The following ZNF721 variants were observed in gnomAD, a reference collection of about 807,000 sequenced individuals.
ZNF721 encodes the protein zinc finger protein 721.
In ZNF721, 2 loss-of-function variants were observed where a neutral mutation model predicts 2.4. The observed-to-expected ratio is 0.82, with a 90% confidence interval of 0.34 to 2.58. The LOEUF is 2.58. Among genes scored for constraint, ZNF721 ranks in the 30% most tolerant of loss-of-function variants. The pLI is 0.11. For synonymous variants in ZNF721, 398 were observed against 381.8 expected (o/e 1.04, Z -0.50); for missense variants, 1,187 against 1,085.5 (o/e 1.09, Z -1.31).
At chr4:452,940 G>A (rs1004203882) in intron 2 of ZNF721, among the ~76,000 whole-genome samples, 1 of 152,212 alleles carries the variant, frequency 6.6e-6, no homozygotes, top group African/African-American at 2.4e-5. Context: ...CAGGACCAAA[G>A]GGGATACTGC....
At chr4:474,126 G>C (rs978278029) in intron 1 of ZNF721, 22 of 1,055,428 alleles carry the variant, frequency 2.1e-5, no homozygotes, top group South Asian at 1.7e-4. Context: ...CCCTAACCGA[G>C]CTCAGGCTGA....
chr4:465,353 C>A (rs1374838872), intron 2 of ZNF721, among the ~76,000 whole-genome samples: 1 of 151,978 alleles, frequency 6.6e-6, no homozygotes. Flanking sequence ...CACCACTGCA[C>A]TACAGCCTGG....
At chr4:470,320 T>C (rs1553867429) in intron 2 of ZNF721, among the ~76,000 whole-genome samples, 2 of 152,202 alleles carry the variant, frequency 1.3e-5, no homozygotes, top group Non-Finnish European at 2.9e-5. Context: ...TTTTTTGATA[T>C]GCCATCAAAA....
At chr4:479,207 C>T (rs976924038) in intron 1 of ZNF721, among the ~76,000 whole-genome samples, 2 of 152,296 alleles carry the variant, frequency 1.3e-5, no homozygotes, top group East Asian at 3.9e-4. Flanking sequence ...CTGTAGCACA[C>T]AGTCACGAAT....
Position 444,342 on chromosome 4 carries a change from C to G in ZNF721, c.125G>C (p.Cys42Ser). Residue 42 changes from cysteine (C) to serine (S), a missense_variant, in exon 3 of 3, where the codon TGT becomes TCT. Transcript: ENST00000511833. ...HKLILRRYEK[C>S]GHDNLQLRKG... ...CCTTAATTGTAAATTATCATGCCCA[C>G]ATTTCTCATATCTTCTCAGTATAAG... is the stretch of plus-strand genomic sequence containing the variant. 6.2e-7 allele frequency: 1 copy of G among 1,614,090 alleles called. No individual in the cohort carries two copies. The highest frequency in any genetic ancestry group is 8.5e-7 in the Non-Finnish European group (1 of 1,179,988).
At chr4:452,532 G>C (rs540838562) in intron 2 of ZNF721, among the ~76,000 whole-genome samples, 6 of 152,306 alleles carry the variant, frequency 3.9e-5, no homozygotes, top group South Asian at 4.1e-4. Context: ...GACAGAAAGA[G>C]AGCGTGGCTT....
intron 1 of ZNF721, 37 bp from the exon 2 acceptor site, chr4:472,738 A>G: frequency 6.2e-7 from 1 of 1,607,478 alleles, no homozygotes; most frequent in Non-Finnish European, 8.5e-7. Flanking sequence ...AGAGTTCTTA[A>G]TTTGACTACA....
intron 2 of ZNF721, among the ~76,000 whole-genome samples, chr4:460,064 G>A (rs1411842892): frequency 1.3e-5 from 2 of 152,020 alleles, no homozygotes; most frequent in East Asian, 1.9e-4. Context: ...GGATATTCAG[G>A]ACTTGAACTC....
At chr4:453,138 G>A (rs1171480503) in intron 2 of ZNF721, among the ~76,000 whole-genome samples, 3 of 152,200 alleles carry the variant, frequency 2.0e-5, no homozygotes, top group East Asian at 1.9e-4. Context: ...CTAGAAGGCC[G>A]TGGCTTACAG....
rs782539531 is a variant in ZNF721 at position 443,348 on chromosome 4, G to A, written c.1119C>T (p.Tyr373=). The A allele has an allele frequency of 1.9e-6, 3 of 1,613,970 alleles. No homozygotes were observed. Among genetic ancestry groups the A allele is most frequent in the Non-Finnish European group, 2.5e-6 (3 of 1,179,958 alleles). The change falls in exon 3 of 3, where the codon TAC becomes TAT. Residue 373 remains tyrosine (Y), a synonymous_variant. Coordinates refer to ENST00000511833, the MANE Select transcript of ZNF721 (RefSeq NM_133474.4). ...TTTTCTTGTGTTGATTCAGGGCTGT[G>A]TACCGTCCAAAGGCTTTGCCACAGT... ...CEDCGKAFGR[Y]TALNQHKKIH...
chr4:452,569 C>G (rs982625144), intron 2 of ZNF721, among the ~76,000 whole-genome samples: 1 of 152,108 alleles, frequency 6.6e-6, no homozygotes, highest in African/African-American at 2.4e-5. Context: ...AGCGGTGCAA[C>G]TGACCCCAGA....
intron 2 of ZNF721, among the ~76,000 whole-genome samples, chr4:449,122 C>G (rs1259572260): frequency 4.6e-5 from 7 of 151,918 alleles, no homozygotes; most frequent in African/African-American, 1.7e-4. Context: ...GTTAGCTTTG[C>G]AAGATAAACA....
At chr4:485,282 T>C (rs1407813051) in intron 1 of ZNF721, among the ~76,000 whole-genome samples, 1 of 152,124 alleles carries the variant, frequency 6.6e-6, no homozygotes, top group Non-Finnish European at 1.5e-5. Context: ...CCCTTAGTCT[T>C]TCATTTTTTA....
At chr4:480,507 A>G (rs1715744895) in intron 1 of ZNF721, among the ~76,000 whole-genome samples, 1 of 152,184 alleles carries the variant, frequency 6.6e-6, no homozygotes, top group Non-Finnish European at 1.5e-5. Flanking sequence ...GAACTTTCAC[A>G]TCTTACAAAG....
At chr4:486,165 CTT>C (rs35987865) in intron 1 of ZNF721, among the ~76,000 whole-genome samples, 8 of 135,906 alleles carry the variant, frequency 5.9e-5, no homozygotes, top group Admixed American at 7.5e-5. Context: ...TTTTTCTTTT[CTT>C]TTTTTTTTTT....
chr4:494,363 T>C (rs1363560173), intron 1 of ZNF721, among the ~76,000 whole-genome samples: 1 of 151,372 alleles, frequency 6.6e-6, no homozygotes, highest in Non-Finnish European at 1.5e-5. Context: ...TTTTTTTGTA[T>C]GTTTAGTAGA....
chr4:459,967 A>G (rs917692109), intron 2 of ZNF721, among the ~76,000 whole-genome samples: 4 of 152,202 alleles, frequency 2.6e-5, no homozygotes, highest in African/African-American at 9.6e-5. Context: ...AGAGACCCAC[A>G]AAGAGACTTA....
chr4:440,464 T>C lies in ZNF721; in HGVS notation c.*1231A>G, dbSNP rs1441637294. The C allele has an allele frequency of 6.6e-6, 1 of 152,242 alleles. No individual in the cohort carries two copies. The highest frequency in any genetic ancestry group is 2.4e-5 in the African/African-American group (1 of 41,468). 9.4% of individuals were successfully genotyped at this position (152,242 alleles called of 1,614,324 possible). A position where few individuals can be genotyped will look rare whatever the true frequency, so the allele number is the denominator to read the frequency against. On this transcript the variant is annotated 3_prime_UTR_variant, in exon 3 of 3. Transcript: ENST00000511833. ...CTTCAAAAACCTACTTTTCAACTTA[T>C]ATACAAGGAAATTTTCTAACAGGTT...
At chr4:448,991 CTG>C (rs1313457456) in intron 2 of ZNF721, among the ~76,000 whole-genome samples, 1 of 152,138 alleles carries the variant, frequency 6.6e-6, no homozygotes, top group Non-Finnish European at 1.5e-5. Flanking sequence ...GAGACAGAAA[CTG>C]TATGAATCAA....
Sources: allele counts gnomAD v4.1 joint callset (sites outside exome capture counted in the v4.1 genomes callset), GRCh38; gene constraint gnomAD v4.1.1; transcripts MANE v1.5; gene names NCBI Gene and HGNC (gene_info 2026-07-23, HGNC 2026-07-21).